The following RAB39A variants were observed in gnomAD, a reference collection of about 807,000 sequenced individuals.
RAB39A encodes RAB39A, member RAS oncogene family.
A neutral mutation model predicts 20.9 loss-of-function variants in RAB39A; 17 were observed. The ratio of observed to expected loss-of-function variants is 0.81; its 90% CI spans 0.56 to 1.22. RAB39A has a LOEUF of 1.22. RAB39A is among the 50% of genes most tolerant of loss of function. RAB39A has a pLI of 0.00. For synonymous variants in RAB39A, 99 were observed against 103.4 expected (o/e 0.96, Z 0.26); for missense variants, 234 against 270.5 (o/e 0.87, Z 0.95).
At chr11:107,960,359 A>G (rs962698774) in intron 1 of RAB39A, among the ~76,000 whole-genome samples, 4 of 152,244 alleles carry the variant, frequency 2.6e-5, no homozygotes, top group Non-Finnish European at 5.9e-5. Context: ...CAGAGGAACT[A>G]TAAGAAGAGT....
intron 1 of RAB39A, among the ~76,000 whole-genome samples, chr11:107,958,964 T>TA (rs935345303): frequency 2.0e-5 from 3 of 151,500 alleles, no homozygotes; most frequent in African/African-American, 7.3e-5. Flanking sequence ...TACTAAAAAT[T>TA]AAAAAATTAG....
intron 1 of RAB39A, among the ~76,000 whole-genome samples, chr11:107,929,323 T>G (rs1432851819): frequency 6.6e-6 from 1 of 152,230 alleles, no homozygotes; most frequent in African/African-American, 2.4e-5. Context: ...CCCAGGTTCC[T>G]GCATGAGCTC....
chr11:107,955,219 A>G (rs1861421619), intron 1 of RAB39A, among the ~76,000 whole-genome samples: 1 of 151,722 alleles, frequency 6.6e-6, no homozygotes, highest in Non-Finnish European at 1.5e-5. Context: ...GGATGGTCTC[A>G]ATCTCCCAAC....
intron 1 of RAB39A, among the ~76,000 whole-genome samples, chr11:107,930,020 A>G (rs1250346469): frequency 2.0e-5 from 3 of 152,190 alleles, no homozygotes; most frequent in Non-Finnish European, 4.4e-5. Context: ...AGATCAGCCT[A>G]CATCTGTGAG....
At chr11:107,958,917 C>T (rs1446154433) in intron 1 of RAB39A, among the ~76,000 whole-genome samples, 1 of 151,916 alleles carries the variant, frequency 6.6e-6, no homozygotes, top group Non-Finnish European at 1.5e-5. Flanking sequence ...GTCAGGAGCT[C>T]GAGACCAGCC....
At chr11:107,955,547 A>C (rs899392306) in intron 1 of RAB39A, among the ~76,000 whole-genome samples, 1 of 151,816 alleles carries the variant, frequency 6.6e-6, no homozygotes, top group South Asian at 2.1e-4. Context: ...TATACTGATA[A>C]TGTTTCCTCC....
At chr11:107,947,671 A>G (rs1861332289) in intron 1 of RAB39A, among the ~76,000 whole-genome samples, 1 of 152,072 alleles carries the variant, frequency 6.6e-6, no homozygotes, top group Non-Finnish European at 1.5e-5. Context: ...ACTTCCAGAG[A>G]GAAAAAACAG....
At chr11:107,941,818 C>T (rs1456893314) in intron 1 of RAB39A, among the ~76,000 whole-genome samples, 2 of 152,022 alleles carry the variant, frequency 1.3e-5, no homozygotes, top group African/African-American at 2.4e-5. Flanking sequence ...TCGGGCCAGT[C>T]GCAGTGGCTC....
intron 1 of RAB39A, among the ~76,000 whole-genome samples, chr11:107,935,285 G>T (rs1474071070): frequency 6.6e-6 from 1 of 152,118 alleles, no homozygotes; most frequent in Non-Finnish European, 1.5e-5. Context: ...CAGGAGGAAC[G>T]CATCCGCCCT....
Position 107,928,611 on chromosome 11 carries a change from G to A in RAB39A, c.43G>A (p.Gly15Arg). The A allele has an allele frequency of 6.3e-7, 1 of 1,591,990 alleles. No homozygotes were observed. The highest frequency in any genetic ancestry group is 8.6e-7 in the Non-Finnish European group (1 of 1,163,986). The change falls in exon 1 of 2, where the codon GGG becomes AGG. Residue 15 changes from glycine to arginine, a missense_variant. Coordinates refer to ENST00000320578, the MANE Select transcript of RAB39A (RefSeq NM_017516.3). This position sits in a 1 kb window ranked among gnomAD's most constrained non-coding sequence, Gnocchi z 4.9. ...CTACCAGTTCCGCCTCATCGTGATC[G>A]GGGACTCCACCGTGGGCAAGTCCTG... ...WIYQFRLIVI[G>R]DSTVGKSCLL...
intron 1 of RAB39A, among the ~76,000 whole-genome samples, chr11:107,949,140 G>A (rs1223039797): frequency 6.6e-6 from 1 of 152,030 alleles, no homozygotes; most frequent in East Asian, 1.9e-4. Flanking sequence ...GGGCAACATG[G>A]AGAAACCCCA....
intron 1 of RAB39A, among the ~76,000 whole-genome samples, chr11:107,939,150 A>G (rs762840536): frequency 1.3e-5 from 2 of 151,406 alleles, no homozygotes; most frequent in Non-Finnish European, 2.9e-5. Flanking sequence ...AGGCTAACAC[A>G]GAGGAATCAC....
At chr11:107,935,627 C>G (rs1298808619) in intron 1 of RAB39A, among the ~76,000 whole-genome samples, 1 of 152,024 alleles carries the variant, frequency 6.6e-6, no homozygotes, top group Non-Finnish European at 1.5e-5. Context: ...TCACCTGCCT[C>G]GGCCTCCCAA....
At chr11:107,948,346 GCTT>G (rs199926768) in intron 1 of RAB39A, among the ~76,000 whole-genome samples, 1,583 of 152,250 alleles carry the variant, frequency 0.01, 26 homozygotes, top group Admixed American at 0.039. Context: ...CGTATCTAAT[GCTT>G]CTTTTTTTTC....
At chr11:107,933,505 G>C (rs541245981) in intron 1 of RAB39A, among the ~76,000 whole-genome samples, 10 of 143,204 alleles carry the variant, frequency 7.0e-5, no homozygotes, top group Non-Finnish European at 1.2e-4. Context: ...TCAGCCTCCC[G>C]AGTAGCTAGG....
chr11:107,938,697 C>G (rs1861226829), intron 1 of RAB39A, among the ~76,000 whole-genome samples: 1 of 149,710 alleles, frequency 6.7e-6, no homozygotes. Context: ...GACTGTGCCA[C>G]TGCACTCCAG....
chr11:107,943,213 G>C (rs1861277062), intron 1 of RAB39A, among the ~76,000 whole-genome samples: 1 of 152,074 alleles, frequency 6.6e-6, no homozygotes, highest in African/African-American at 2.4e-5. Flanking sequence ...AGCTTCATAA[G>C]TACTATGAAA....
In RAB39A at chr11:107,928,509, C is replaced by A; in HGVS notation, c.-60C>A. The A allele has an allele frequency of 7.6e-7, 1 of 1,317,746 alleles. No individual in the cohort carries two copies. Among genetic ancestry groups the A allele is most frequent in the Non-Finnish European group, 1.0e-6 (1 of 994,864 alleles). 81.6% of individuals were successfully genotyped at this position (1,317,746 alleles called of 1,614,324 possible). On this transcript the variant is annotated 5_prime_UTR_variant, in exon 1 of 2. Coordinates refer to ENST00000320578, the MANE Select transcript of RAB39A (RefSeq NM_017516.3). This position sits in a 1 kb window ranked among gnomAD's most constrained non-coding sequence, Gnocchi z 4.9. ...CCCGCGAGGTGCTGAAAGGACAGTT[C>A]CCGCCGCCGAACTTAGCCCGCGGGT...
chr11:107,946,420 GTGTGTGTGTGTGTGTGTATATATATA>G (rs1311726422), intron 1 of RAB39A, among the ~76,000 whole-genome samples: 6 of 25,670 alleles, frequency 2.3e-4, no homozygotes, highest in African/African-American at 5.2e-4. Context: ...GTGTGTGTGT[GTGTGTGTGTGTGTGTGTATATATATA>G]TATATATATA....
Sources: gnomAD v4.1 joint callset for allele counts (sites outside exome capture counted in the v4.1 genomes callset) on GRCh38, gnomAD v4.1.1 for gene constraint, Gnocchi (gnomAD v3.1) non-coding constraint, MANE v1.5 for transcripts, NCBI Gene and HGNC (gene_info 2026-07-23, HGNC 2026-07-21) for gene names.